The following RBMS3 variants were observed in gnomAD, a reference collection of about 807,000 sequenced individuals.
The protein encoded by RBMS3 is RNA binding motif single stranded interacting protein 3, also known as RNA-binding motif, single-stranded-interacting protein 3.
Under a neutral mutation model 66.8 loss-of-function variants are expected in RBMS3, and 27 were observed. The ratio of observed to expected loss-of-function variants is 0.40; its 90% CI spans 0.30 to 0.56. The LOEUF is 0.56. Among genes scored for constraint, RBMS3 ranks in the 20% least tolerant of loss-of-function variants. The probability of loss-of-function intolerance (pLI) is 0.40; values close to 1 mark genes in which losing one functional copy is unlikely to be tolerated. For synonymous variants in RBMS3, 188 were observed against 183.0 expected (o/e 1.03, Z -0.22); for missense variants, 513 against 549.5 (o/e 0.93, Z 0.66).
At chr3:29,760,773 A>G (rs2055646313) in intron 5 of RBMS3, among the ~76,000 whole-genome samples, 1 of 152,158 alleles carries the variant, frequency 6.6e-6, no homozygotes, top group South Asian at 2.1e-4. Flanking sequence ...ATTTAGAATG[A>G]GGAAAGATTC....
chr3:29,897,877 A>C (rs1044528641), intron 9 of RBMS3, among the ~76,000 whole-genome samples: 1 of 151,602 alleles, frequency 6.6e-6, no homozygotes, highest in Non-Finnish European at 1.5e-5. Flanking sequence ...CTGTCATCTC[A>C]TTTTGTCATG....
At chr3:29,489,739 TAAAAA>T (rs201069908) in intron 3 of RBMS3, among the ~76,000 whole-genome samples, 1 of 124,014 alleles carries the variant, frequency 8.1e-6, no homozygotes, top group Admixed American at 8.1e-5. Context: ...CACGTAGCTG[TAAAAA>T]AAAAAAAAAA....
At chr3:29,993,331 T>G (rs1454015746) in intron 14 of RBMS3, among the ~76,000 whole-genome samples, 1 of 147,126 alleles carries the variant, frequency 6.8e-6, no homozygotes, top group Non-Finnish European at 1.5e-5. Context: ...CAACGGGTTA[T>G]ATGTGGGGAA....
chr3:29,780,156 T>A (rs1405194225), intron 6 of RBMS3, among the ~76,000 whole-genome samples: 4 of 151,972 alleles, frequency 2.6e-5, no homozygotes, highest in Admixed American at 2.0e-4. Context: ...CCTATATGCT[T>A]GACTTTAAAT....
At chr3:29,573,526 T>A (rs2047010860) in intron 3 of RBMS3, among the ~76,000 whole-genome samples, 1 of 152,160 alleles carries the variant, frequency 6.6e-6, no homozygotes, top group South Asian at 2.1e-4. Flanking sequence ...AAAGCAAATG[T>A]TTCATCTATC....
intron 2 of RBMS3, among the ~76,000 whole-genome samples, chr3:29,479,608 T>C (rs2043063452): frequency 6.6e-6 from 1 of 152,120 alleles, no homozygotes; most frequent in Admixed American, 6.5e-5. Context: ...AGAGAAATAA[T>C]TGGTGATCAA....
intron 8 of RBMS3, among the ~76,000 whole-genome samples, chr3:29,885,901 G>C (rs996037159): frequency 3.3e-5 from 5 of 151,790 alleles, no homozygotes; most frequent in Non-Finnish European, 7.4e-5. Context: ...ATGCAGCAGT[G>C]ACCCAGACAT....
In RBMS3 at chr3:29,930,109, C is replaced by CTTTTTTTTTTTTTTTTTTT. The variant is rs775548425; in HGVS notation, c.940-5975_940-5957dup. ...TACTTTGTGTCACTTTTCTTTCTTT[C>CTTTTTTTTTTTTTTTTTTT]TTTTTTTTTTTTTTTTTTTTGAGAT... On this transcript the variant is annotated intron_variant, in intron 10 of 14. Coordinates refer to ENST00000383767, the MANE Select transcript of RBMS3 (RefSeq NM_001003793.3). 3.0e-4 allele frequency among the ~76,000 whole-genome samples: 13 copies of CTTTTTTTTTTTTTTTTTTT among 43,570 alleles called. 1 individual carries two copies. The highest frequency in any genetic ancestry group is 5.0e-4 in the African/African-American group (8 of 15,850). The allele number at this position is 43,570 out of a possible 152,430, so 28.6% of individuals were successfully genotyped here.
intron 10 of RBMS3, among the ~76,000 whole-genome samples, chr3:29,923,488 A>C (rs1238273329): frequency 6.6e-6 from 1 of 152,190 alleles, no homozygotes; most frequent in Non-Finnish European, 1.5e-5. Context: ...CTCTTGCATG[A>C]AATAAAGCAA....
chr3:29,451,577 TTG>T (rs2042019110), intron 2 of RBMS3, among the ~76,000 whole-genome samples: 1 of 148,636 alleles, frequency 6.7e-6, no homozygotes, highest in Non-Finnish European at 1.5e-5. Context: ...TTTGTGGTTT[TTG>T]TTTTTTTCAG....
chr3:29,558,902 G>A (rs1207979534), intron 3 of RBMS3, among the ~76,000 whole-genome samples: 1 of 151,976 alleles, frequency 6.6e-6, no homozygotes, highest in Non-Finnish European at 1.5e-5. Flanking sequence ...ATTTGCGAGG[G>A]AATAGAACAG....
chr3:29,771,881 T>C (rs950633823), intron 6 of RBMS3, among the ~76,000 whole-genome samples: 3 of 151,958 alleles, frequency 2.0e-5, no homozygotes, highest in East Asian at 1.9e-4. Flanking sequence ...ATCACGAGAA[T>C]AGCAGGGAGG....
intron 6 of RBMS3, among the ~76,000 whole-genome samples, chr3:29,837,951 T>G (rs1415516316): frequency 1.3e-5 from 2 of 151,376 alleles, no homozygotes; most frequent in South Asian, 4.2e-4. Context: ...TTTTCTAAGC[T>G]TATGTTACAG....
intron 6 of RBMS3, among the ~76,000 whole-genome samples, chr3:29,825,721 A>G (rs937415832): frequency 2.6e-5 from 4 of 152,174 alleles, no homozygotes; most frequent in Non-Finnish European, 5.9e-5. Flanking sequence ...TGTCTTTATT[A>G]GCAGTGTGAG....
rs374619039 is a variant in RBMS3 at position 29,836,519 on chromosome 3, CAG to C, written c.638-32336_638-32335del. 2.9e-4 allele frequency among the ~76,000 whole-genome samples: 44 copies of C among 151,952 alleles called. No homozygotes were observed. In the East Asian group the frequency reaches 3.9e-3, roughly 13 times the overall value. On this transcript the variant is annotated intron_variant, in intron 6 of 14. Transcript: ENST00000383767. The stretch of plus-strand genomic sequence containing the variant: ...TCTAGAAAAGTTGAACTCATAGAAA[CAG>C]AGCACAGAAGGATCGTTACCAGGGG...
intron 6 of RBMS3, among the ~76,000 whole-genome samples, chr3:29,813,967 T>G (rs1235705614): frequency 6.6e-6 from 1 of 152,062 alleles, no homozygotes; most frequent in Non-Finnish European, 1.5e-5. Flanking sequence ...TTGAATACCC[T>G]TTATTTCCTT....
chr3:29,467,324 C>T (rs1337390669), intron 2 of RBMS3, among the ~76,000 whole-genome samples: 1 of 152,142 alleles, frequency 6.6e-6, no homozygotes, highest in Non-Finnish European at 1.5e-5. Context: ...GTTTTACTAA[C>T]CTGAAAAGTT....
intron 3 of RBMS3, among the ~76,000 whole-genome samples, chr3:29,493,090 T>G (rs2043611514): frequency 6.6e-6 from 1 of 152,174 alleles, no homozygotes; most frequent in South Asian, 2.1e-4. Flanking sequence ...TCGTTTTCCT[T>G]ACTAGGAAAA....
intron 7 of RBMS3, chr3:29,880,923 C>G: frequency 1.7e-6 from 2 of 1,200,184 alleles, no homozygotes; most frequent in East Asian, 2.5e-5. Flanking sequence ...ACTCATTCCT[C>G]TGGATTTACC....
Sources: gnomAD v4.1 joint callset for allele counts (sites outside exome capture counted in the v4.1 genomes callset) on GRCh38, gnomAD v4.1.1 for gene constraint, MANE v1.5 for transcripts, NCBI Gene and HGNC (gene_info 2026-07-23, HGNC 2026-07-21) for gene names.